GABRB2: variants seen among roughly 807,000 people sequenced by gnomAD.
The protein encoded by GABRB2 is gamma-aminobutyric acid receptor subunit beta-2.
A neutral mutation model predicts 54.7 loss-of-function variants in GABRB2; 16 were observed. That is an observed-to-expected ratio of 0.29 (90% CI 0.20 to 0.44). The LOEUF is 0.44. GABRB2 is among the 20% of genes least tolerant of loss of function. The pLI is 1.00. For synonymous variants in GABRB2, 244 were observed against 233.8 expected, an observed-to-expected ratio of 1.04 and a Z score of -0.40; for missense variants, 355 against 644.0, an observed-to-expected ratio of 0.55 and a Z score of 4.86.
At chr5:161,484,229 A>G (rs964860484) in intron 3 of GABRB2, among the ~76,000 whole-genome samples, 5 of 152,014 alleles carry the variant, frequency 3.3e-5, no homozygotes, top group Non-Finnish European at 7.4e-5. Context: ...AAACATCAGC[A>G]CAAAAATATT....
At chr5:161,411,261 G>A (rs1489761484) in intron 4 of GABRB2, among the ~76,000 whole-genome samples, 2 of 152,150 alleles carry the variant, frequency 1.3e-5, no homozygotes, top group Non-Finnish European at 2.9e-5. Context: ...ATTTCCCAAA[G>A]TATGGTCCAT....
At chr5:161,313,826 T>C (rs1469654702) in intron 9 of GABRB2, among the ~76,000 whole-genome samples, 1 of 152,204 alleles carries the variant, frequency 6.6e-6, no homozygotes, top group Admixed American at 6.5e-5. Context: ...AGGGACAGTC[T>C]TGGGGCTTGG....
intron 5 of GABRB2, among the ~76,000 whole-genome samples, chr5:161,351,091 T>C (rs907373323): frequency 1.3e-5 from 2 of 152,114 alleles, no homozygotes; most frequent in African/African-American, 4.8e-5. Context: ...AATACACACA[T>C]GTTCATGAGT....
At chr5:161,378,445 C>G (rs972264282) in intron 5 of GABRB2, among the ~76,000 whole-genome samples, 13 of 152,080 alleles carry the variant, frequency 8.5e-5, no homozygotes. Context: ...TACACTTATT[C>G]TAGCCCTTAA....
intron 3 of GABRB2, among the ~76,000 whole-genome samples, chr5:161,471,734 T>C (rs1032189925): frequency 6.6e-6 from 1 of 151,988 alleles, no homozygotes; most frequent in Non-Finnish European, 1.5e-5. Flanking sequence ...ATATGTAAAA[T>C]TCCTAGCAGA....
rs764486491 is a variant in GABRB2 at position 161,545,187 on chromosome 5, G to C, written c.237+40C>G. On this transcript the variant is annotated intron_variant, in intron 3 of 9. Coordinates refer to ENST00000393959, the MANE Select transcript of GABRB2 (RefSeq NM_001371727.1). ...TCATTTCTCCTTCCTGTCCCCAAACGAAAGTTTGCAAAGAAGTAGTCATAA... is the reference window on the plus strand; with the variant it reads ...TCATTTCTCCTTCCTGTCCCCAAACCAAAGTTTGCAAAGAAGTAGTCATAA... 2.7e-6 allele frequency: 4 copies of C among 1,496,774 alleles called. No individual in the cohort carries two copies. The South Asian group carries it at 5.0e-5, about 19-fold the overall frequency. The allele number at this position is 1,496,774 out of a possible 1,614,324, so 92.7% of individuals were successfully genotyped here. A position where few individuals can be genotyped will look rare whatever the true frequency, so the allele number is the denominator to read the frequency against.
intron 3 of GABRB2, among the ~76,000 whole-genome samples, chr5:161,541,059 T>G (rs1465703028): frequency 6.6e-6 from 1 of 152,158 alleles, no homozygotes; most frequent in African/African-American, 2.4e-5. Flanking sequence ...TTGCCTAGGC[T>G]GGTCTTGAAT....
chr5:161,536,951 A>G (rs1184640277), intron 3 of GABRB2, among the ~76,000 whole-genome samples: 4 of 151,868 alleles, frequency 2.6e-5, no homozygotes, highest in African/African-American at 9.7e-5. Context: ...TCAGAACCAA[A>G]CTTCTCAAAA....
At chr5:161,406,653 T>C (rs757621409) in intron 5 of GABRB2, among the ~76,000 whole-genome samples, 5 of 152,050 alleles carry the variant, frequency 3.3e-5, no homozygotes, top group Non-Finnish European at 7.4e-5. Flanking sequence ...TAGGTATTAT[T>C]TCCATTTTAC....
chr5:161,478,161 G>A (rs929366666), intron 3 of GABRB2, among the ~76,000 whole-genome samples: 1 of 151,906 alleles, frequency 6.6e-6, no homozygotes, highest in African/African-American at 2.4e-5. Context: ...AGTCTCTGTT[G>A]CTACAGAGTG....
At chr5:161,545,138 ACACCCC>A in intron 3 of GABRB2, 83 bp downstream of exon 3, 4 of 936,214 alleles carry the variant, frequency 4.3e-6, no homozygotes, top group African/African-American at 1.7e-5. Context: ...ATAGCCAAGC[ACACCCC>A]CACCCCCAAT....
intron 5 of GABRB2, among the ~76,000 whole-genome samples, chr5:161,394,700 T>C (rs889329515): frequency 1.3e-5 from 2 of 152,098 alleles, no homozygotes; most frequent in South Asian, 2.1e-4. Flanking sequence ...GTTAAAGATA[T>C]TGAATTTGTC....
At chr5:161,307,714 T>C (rs940173971) in intron 9 of GABRB2, among the ~76,000 whole-genome samples, 1 of 152,164 alleles carries the variant, frequency 6.6e-6, no homozygotes, top group Non-Finnish European at 1.5e-5. Context: ...CCTACCCTCA[T>C]GTCTGACATA....
chr5:161,413,876 A>T, intron 4 of GABRB2, among the ~76,000 whole-genome samples: 1 of 152,166 alleles, frequency 6.6e-6, no homozygotes. Context: ...TTGCTACTAG[A>T]GATTGTGGCT....
intron 5 of GABRB2, among the ~76,000 whole-genome samples, chr5:161,346,463 G>A (rs1754320953): frequency 1.3e-5 from 2 of 152,148 alleles, no homozygotes; most frequent in South Asian, 4.1e-4. Context: ...GTGCAATAAA[G>A]TGTCAACTGT....
chr5:161,529,041 T>C (rs1038720478), intron 3 of GABRB2, among the ~76,000 whole-genome samples: 1 of 151,992 alleles, frequency 6.6e-6, no homozygotes, highest in Middle Eastern at 3.2e-3. Context: ...ATAATTTTGC[T>C]CTTAATTCTC....
intron 7 of GABRB2, among the ~76,000 whole-genome samples, chr5:161,333,876 C>T (rs1244986051): frequency 6.6e-6 from 1 of 152,180 alleles, no homozygotes; most frequent in African/African-American, 2.4e-5. Flanking sequence ...CCCATGCCCC[C>T]TTGCTTTATA....
At chr5:161,455,998 A>T (rs956368778) in intron 4 of GABRB2, among the ~76,000 whole-genome samples, 1 of 152,178 alleles carries the variant, frequency 6.6e-6, no homozygotes, top group African/African-American at 2.4e-5. Flanking sequence ...AAAGAAACTT[A>T]CTCAGATACT....
intron 3 of GABRB2, among the ~76,000 whole-genome samples, chr5:161,490,195 C>T (rs1203346942): frequency 6.6e-6 from 1 of 151,670 alleles, no homozygotes; most frequent in Non-Finnish European, 1.5e-5. Flanking sequence ...TTAATTATCT[C>T]GTTTTGTGTT....
Sources: gnomAD v4.1 joint callset for allele counts (sites outside exome capture counted in the v4.1 genomes callset) on GRCh38, gnomAD v4.1.1 for gene constraint, MANE v1.5 for transcripts, NCBI Gene and HGNC (gene_info 2026-07-23, HGNC 2026-07-21) for gene names.